The following MED27 variants were observed in gnomAD, a reference collection of about 807,000 sequenced individuals.
The protein encoded by MED27 is mediator of RNA polymerase II transcription subunit 27.
Under a neutral mutation model 38.2 loss-of-function variants are expected in MED27, and 30 were observed. That is an observed-to-expected ratio of 0.79 (90% CI 0.59 to 1.07). MED27 has a LOEUF of 1.07. Ranked by LOEUF, MED27 falls within the 50% of genes least tolerant of loss-of-function variation. MED27 has a pLI of 0.00. For missense variants in MED27, 289 were observed against 397.5 expected, an observed-to-expected ratio of 0.73 and a Z score of 2.32; for synonymous variants, 122 against 153.5, an observed-to-expected ratio of 0.79 and a Z score of 1.52.
At chr9:131,905,614 C>A (rs975005125) in intron 4 of MED27, among the ~76,000 whole-genome samples, 2 of 126,912 alleles carry the variant, frequency 1.6e-5, no homozygotes, top group African/African-American at 5.9e-5. Context: ...GGGAGAATTT[C>A]TTGAGCCTGG....
intron 2 of MED27, among the ~76,000 whole-genome samples, chr9:132,041,555 G>C (rs892712503): frequency 6.6e-6 from 1 of 152,200 alleles, no homozygotes; most frequent in Non-Finnish European, 1.5e-5. Context: ...TCTTCCTGTC[G>C]GGCACTGCAA....
At chr9:131,904,179 G>A (rs745658021) in intron 4 of MED27, among the ~76,000 whole-genome samples, 22 of 152,094 alleles carry the variant, frequency 1.4e-4, no homozygotes, top group Non-Finnish European at 2.8e-4. Context: ...GATTACAGGC[G>A]TGAGCCACTG....
At chr9:131,929,064 G>A (rs1830531982) in intron 4 of MED27, among the ~76,000 whole-genome samples, 1 of 152,194 alleles carries the variant, frequency 6.6e-6, no homozygotes, top group Non-Finnish European at 1.5e-5. Context: ...AGGCAGTCGT[G>A]AGGCACCCAT....
intron 3 of MED27, among the ~76,000 whole-genome samples, chr9:131,996,227 A>G (rs1832087143): frequency 6.6e-6 from 1 of 152,186 alleles, no homozygotes; most frequent in African/African-American, 2.4e-5. Context: ...AGAGACAAAT[A>G]TTGTGGAGCC....
In MED27 at chr9:131,936,588, T is replaced by C. The variant is rs540999406; in HGVS notation, c.573+2793A>G. On this transcript the variant is annotated intron_variant, in intron 4 of 7. Transcript: ENST00000292035. The stretch of plus-strand genomic sequence containing the variant: ...GCAGGAGTGTTCTTCCCAGGTTGTA[T>C]GCACAGGGATGGAAGGCGGTTAATA... 3.3e-5 allele frequency among the ~76,000 whole-genome samples: 5 copies of C among 152,332 alleles called. No individual in the cohort carries two copies. The South Asian group carries it at 1.0e-3, about 32-fold the overall frequency.
chr9:131,967,818 ATT>A (rs144420414), intron 3 of MED27, among the ~76,000 whole-genome samples: 15 of 112,868 alleles, frequency 1.3e-4, no homozygotes, highest in Non-Finnish European at 1.1e-4. Context: ...GCCTCTCATG[ATT>A]TTTTTTTTTT....
intron 4 of MED27, among the ~76,000 whole-genome samples, chr9:131,912,802 T>C (rs762655480): frequency 6.6e-6 from 1 of 152,134 alleles, no homozygotes; most frequent in African/African-American, 2.4e-5. Context: ...AGATCATATA[T>C]AAAAACAAAA....
intron 2 of MED27, among the ~76,000 whole-genome samples, chr9:132,055,514 A>C (rs1833557386): frequency 6.6e-6 from 1 of 152,198 alleles, no homozygotes. Context: ...TATTTACAAG[A>C]TCAAACAGGA....
Position 131,982,589 on chromosome 9 carries a change from C to A in MED27, c.479+31748G>T, listed in dbSNP as rs901040548. 6.6e-6 allele frequency among the ~76,000 whole-genome samples: 1 copy of A among 152,204 alleles called. No individual in the cohort carries two copies. The highest frequency in any genetic ancestry group is 1.5e-5 in the Non-Finnish European group (1 of 68,032). On this transcript the variant is annotated intron_variant, in intron 3 of 7. Coordinates refer to ENST00000292035, the MANE Select transcript of MED27 (RefSeq NM_004269.4). This position sits in a 1 kb window ranked among gnomAD's most constrained non-coding sequence, Gnocchi z 4.3. Reference sequence around the variant, plus strand: ...CTACCCATGAAGCAGATACTGTTATCCCCATTTTACAGATGGGAAAACAGC... The same window carrying A: ...CTACCCATGAAGCAGATACTGTTATACCCATTTTACAGATGGGAAAACAGC...
intron 4 of MED27, 85 bp downstream of exon 4, chr9:131,939,296 G>A (rs1589223280): frequency 1.3e-6 from 1 of 751,610 alleles, no homozygotes; most frequent in East Asian, 2.9e-5. Context: ...CCATTCTCTA[G>A]ATCCTACAAC....
intron 4 of MED27, among the ~76,000 whole-genome samples, chr9:131,935,337 T>A (rs1378856060): frequency 1.3e-5 from 2 of 152,182 alleles, no homozygotes; most frequent in Non-Finnish European, 2.9e-5. Flanking sequence ...ATATACCCCA[T>A]AAATACATAC....
chr9:131,902,283 C>T (rs1017241606), intron 4 of MED27, among the ~76,000 whole-genome samples: 2 of 152,124 alleles, frequency 1.3e-5, no homozygotes, highest in Non-Finnish European at 2.9e-5. Flanking sequence ...CAGAGTCGTG[C>T]TGGGCGGAAC....
At chr9:131,927,487 C>T (rs1330946493) in intron 4 of MED27, among the ~76,000 whole-genome samples, 3 of 152,232 alleles carry the variant, frequency 2.0e-5, no homozygotes, top group Non-Finnish European at 4.4e-5. Context: ...GCTTTTATTT[C>T]TGCCATTCAT....
At chr9:132,012,406 G>A (rs1231712277) in intron 3 of MED27, among the ~76,000 whole-genome samples, 2 of 152,118 alleles carry the variant, frequency 1.3e-5, no homozygotes, top group Non-Finnish European at 2.9e-5. Context: ...TGAAAAATAT[G>A]GCCCCTGTGC....
rs1393694438 is a variant in MED27, at chr9:131,913,150, C to T, written c.574-19158G>A. Reference sequence around the variant, plus strand: ...CTACCAAAATTACATTTGATCAAAACCATTATTCTTTTAAAAAACTTCACT... The same window carrying T: ...CTACCAAAATTACATTTGATCAAAATCATTATTCTTTTAAAAAACTTCACT... On this transcript the variant is annotated intron_variant, in intron 4 of 7. Coordinates refer to ENST00000292035, the MANE Select transcript of MED27 (RefSeq NM_004269.4). The surrounding 1 kb of genome is among the most constrained non-coding windows in gnomAD (Gnocchi z 4.5). Among the ~76,000 whole-genome samples the T allele has an allele frequency of 6.6e-6, 1 of 152,162 alleles. No individual in the cohort carries two copies. The highest frequency in any genetic ancestry group is 1.5e-5 in the Non-Finnish European group (1 of 68,024).
At chr9:132,049,929 C>T (rs1225124476) in intron 2 of MED27, among the ~76,000 whole-genome samples, 2 of 152,226 alleles carry the variant, frequency 1.3e-5, no homozygotes, top group African/African-American at 2.4e-5. Flanking sequence ...GTATGTTTTA[C>T]ACTATTTTAA....
intron 4 of MED27, among the ~76,000 whole-genome samples, chr9:131,907,520 C>T (rs1408457965): frequency 6.6e-6 from 1 of 152,236 alleles, no homozygotes; most frequent in Non-Finnish European, 1.5e-5. Flanking sequence ...TCACTCAGTG[C>T]TCAATGGTGC....
rs141962016 is a variant in MED27 at position 132,051,262 on chromosome 9, A to C, written c.348+26180T>G. On this transcript the variant is annotated intron_variant, in intron 2 of 7. Transcript: ENST00000292035. This position sits in a 1 kb window ranked among gnomAD's most constrained non-coding sequence, Gnocchi z 4.2. ...CATTTCGGCCACTCATTTGCATTCC[A>C]GTAAGCTTTCCTGAGTGGGAAAGAA... 2.4e-3 allele frequency among the ~76,000 whole-genome samples: 363 copies of C among 152,366 alleles called. 3 individuals are homozygous for C. The highest frequency in any genetic ancestry group is 8.2e-3 in the African/African-American group (342 of 41,584).
At chr9:132,012,948 A>G (rs1832515999) in intron 3 of MED27, among the ~76,000 whole-genome samples, 1 of 152,218 alleles carries the variant, frequency 6.6e-6, no homozygotes, top group African/African-American at 2.4e-5. Flanking sequence ...AAAGGTAAAC[A>G]ATCAACTCAT....
Sources: gnomAD v4.1 joint callset for allele counts (sites outside exome capture counted in the v4.1 genomes callset) on GRCh38, gnomAD v4.1.1 for gene constraint, Gnocchi (gnomAD v3.1) non-coding constraint, MANE v1.5 for transcripts, NCBI Gene and HGNC (gene_info 2026-07-23, HGNC 2026-07-21) for gene names.